The following DPYSL2 variants were observed in gnomAD, a reference collection of about 807,000 sequenced individuals.
DPYSL2 encodes dihydropyrimidinase like 2.
Under a neutral mutation model 69.9 loss-of-function variants are expected in DPYSL2, and 13 were observed. The observed-to-expected ratio is 0.19, with a 90% CI of 0.12 to 0.30. DPYSL2 has a LOEUF of 0.30. Among genes scored for constraint, DPYSL2 ranks in the 10% least tolerant of loss-of-function variants. The pLI is 1.00. For missense variants in DPYSL2, 587 were observed against 918.9 expected (o/e 0.64, Z 4.67); for synonymous variants, 326 against 359.1 (o/e 0.91, Z 1.04).
At chr8:26,632,663 AC>A (rs1479453213) in intron 7 of DPYSL2, among the ~76,000 whole-genome samples, 2 of 152,070 alleles carry the variant, frequency 1.3e-5, no homozygotes, top group Non-Finnish European at 2.9e-5. Context: ...ACATGGCGAA[AC>A]CCCGTGTTGG....
At chr8:26,583,310 A>G (rs1563396517) in intron 2 of DPYSL2, among the ~76,000 whole-genome samples, 1 of 148,286 alleles carries the variant, frequency 6.7e-6, no homozygotes. Context: ...ATTTTAAATC[A>G]TTGCAATCAT....
chr8:26,525,579 A>C (rs986184743), intron 1 of DPYSL2, among the ~76,000 whole-genome samples: 1 of 152,222 alleles, frequency 6.6e-6, no homozygotes, highest in African/African-American at 2.4e-5. Context: ...TTTAACTTGA[A>C]GTAACATGTA....
chr8:26,574,498 T>G (rs1801294873), intron 1 of DPYSL2, among the ~76,000 whole-genome samples: 1 of 152,180 alleles, frequency 6.6e-6, no homozygotes, highest in Non-Finnish European at 1.5e-5. Context: ...CATTGTCTAA[T>G]TTAGTTACTG....
rs143419907 is a variant in DPYSL2, at chr8:26,569,373, AAAAC to A, written c.355-12592_355-12589del. On this transcript the variant is annotated intron_variant, in intron 1 of 13. Coordinates refer to ENST00000521913, the MANE Select transcript of DPYSL2 (RefSeq NM_001197293.3). ...TATCTCCAAAAAAAAAACAAAAACA[AAAAC>A]AAAAAAAAACCAAAGAAAAACCCAA... Among the ~76,000 whole-genome samples, 151 of 78,166 alleles carry A rather than the reference AAAAC, an allele frequency of 1.9e-3. 3 individuals carry two copies. The highest frequency in any genetic ancestry group is 6.1e-3 in the African/African-American group (104 of 16,998). 51.3% of individuals were successfully genotyped at this position (78,166 alleles called of 152,430 possible). A position where few individuals can be genotyped will look rare whatever the true frequency, so the allele number is the denominator to read the frequency against.
At chr8:26,521,749 A>G (rs1808388871) in intron 1 of DPYSL2, among the ~76,000 whole-genome samples, 2 of 152,012 alleles carry the variant, frequency 1.3e-5, no homozygotes, top group Middle Eastern at 3.4e-3. Context: ...TATTCTGGAC[A>G]TTTCATAGAC....
At chr8:26,607,961 T>C (rs1480410297) in intron 3 of DPYSL2, among the ~76,000 whole-genome samples, 3 of 150,754 alleles carry the variant, frequency 2.0e-5, no homozygotes, top group Non-Finnish European at 4.4e-5. Flanking sequence ...CCTGTAGTCC[T>C]AGCTACTCAA....
At chr8:26,525,159 A>G (rs1378264051) in intron 1 of DPYSL2, among the ~76,000 whole-genome samples, 1 of 152,084 alleles carries the variant, frequency 6.6e-6, no homozygotes, top group Non-Finnish European at 1.5e-5. Flanking sequence ...TGACTTTAAG[A>G]TTATATAATT....
rs1411524738 is a variant in DPYSL2 at position 26,597,602 on chromosome 8, G to A, written c.628+13619G>A. The stretch of plus-strand genomic sequence containing the variant: ...CCATTCTCCTGCCTCAGCCTCCCAA[G>A]TAGCTGGGACTACAGGCGCCCGCCA... On this transcript the variant is annotated intron_variant, in intron 3 of 13. Coordinates refer to ENST00000521913, the MANE Select transcript of DPYSL2 (RefSeq NM_001197293.3). The surrounding 1 kb of genome is among the most constrained non-coding windows in gnomAD (Gnocchi z 5.2). Among the ~76,000 whole-genome samples, 3 of 152,044 alleles carry A rather than the reference G, an allele frequency of 2.0e-5. No homozygotes were observed. Among genetic ancestry groups the A allele is most frequent in the Non-Finnish European group, 2.9e-5 (2 of 68,022 alleles).
At chr8:26,558,488 T>C (rs1316663934) in intron 1 of DPYSL2, among the ~76,000 whole-genome samples, 1 of 152,168 alleles carries the variant, frequency 6.6e-6, no homozygotes, top group East Asian at 1.9e-4. Context: ...ACAGTGAAAC[T>C]CTTCTACAAG....
At chr8:26,537,621 C>CACACACACACACAT (rs1387754863) in intron 1 of DPYSL2, among the ~76,000 whole-genome samples, 10 of 151,846 alleles carry the variant, frequency 6.6e-5, no homozygotes, top group Non-Finnish European at 1.5e-4. Flanking sequence ...TACACACACA[C>CACACACACACACAT]ACACACACAC....
In DPYSL2 at chr8:26,658,158, C is replaced by A. The variant is rs1257867605; in HGVS notation, c.*2452C>A. 1 of 152,500 alleles carries A rather than the reference C, an allele frequency of 6.6e-6. No homozygotes were observed. The highest frequency in any genetic ancestry group is 1.5e-5 in the Non-Finnish European group (1 of 68,030). The allele number at this position is 152,500 out of a possible 1,614,324, so 9.4% of individuals were successfully genotyped here. On this transcript the variant is annotated 3_prime_UTR_variant, in exon 14 of 14. Transcript: ENST00000521913. This position sits in a 1 kb window ranked among gnomAD's most constrained non-coding sequence, Gnocchi z 4.7. Reference sequence around the variant, plus strand: ...TATTACCATGGAACGCCTAATAAAGCAAAATGTGGTTGTTTCAGGGGTGTG... The same window carrying A: ...TATTACCATGGAACGCCTAATAAAGAAAAATGTGGTTGTTTCAGGGGTGTG...
chr8:26,519,649 T>C (rs933505040), intron 1 of DPYSL2, among the ~76,000 whole-genome samples: 2 of 152,164 alleles, frequency 1.3e-5, no homozygotes, highest in African/African-American at 4.8e-5. Flanking sequence ...TCTTGCTATT[T>C]AGTAAGTATG....
At chr8:26,655,586 C>A in intron 13 of DPYSL2, 29 bp from the exon 14 acceptor site, 1 of 1,577,826 alleles carries the variant, frequency 6.3e-7, no homozygotes, top group East Asian at 2.3e-5. Context: ...TGGCCCCTCA[C>A]CCGCTCCTCT....
At position 26,655,885 on chromosome 8, in the gene DPYSL2, A is replaced by G; in HGVS notation, c.*179A>G. The G allele has an allele frequency of 2.0e-6, 1 of 492,916 alleles. No homozygotes were observed. The highest frequency in any genetic ancestry group is 3.5e-6 in the Non-Finnish European group (1 of 283,506). The allele number at this position is 492,916 out of a possible 1,614,324, so 30.5% of individuals were successfully genotyped here. A position where few individuals can be genotyped will look rare whatever the true frequency, so the allele number is the denominator to read the frequency against. ...GGGCCCCACACCCCGTCTCTCACCA[A>G]GAGTTACTGATTTTGCTCATCCACT... On this transcript the variant is annotated 3_prime_UTR_variant, in exon 14 of 14. Coordinates refer to ENST00000521913, the MANE Select transcript of DPYSL2 (RefSeq NM_001197293.3).
In DPYSL2 at chr8:26,517,629, C is replaced by A. The variant is rs1248618337; in HGVS notation, c.354+2950C>A. Reference sequence around the variant, plus strand: ...TCCTAGGAACTTCCTCCATTCCACTCCAGACACAGCGTAGCCAGAACCAGT... The same window carrying A: ...TCCTAGGAACTTCCTCCATTCCACTACAGACACAGCGTAGCCAGAACCAGT... On this transcript the variant is annotated intron_variant, in intron 1 of 13. Coordinates refer to ENST00000521913, the MANE Select transcript of DPYSL2 (RefSeq NM_001197293.3). The surrounding 1 kb of genome is among the most constrained non-coding windows in gnomAD (Gnocchi z 4.2). Among the ~76,000 whole-genome samples the A allele has an allele frequency of 6.6e-6, 1 of 152,194 alleles. No individual in the cohort carries two copies. The highest frequency in any genetic ancestry group is 6.5e-5 in the Admixed American group (1 of 15,282).
intron 3 of DPYSL2, among the ~76,000 whole-genome samples, chr8:26,590,276 G>A (rs2129768463): frequency 6.6e-6 from 1 of 152,312 alleles, no homozygotes; most frequent in Non-Finnish European, 1.5e-5. Flanking sequence ...GTTATCCAAT[G>A]GGCCATTGGT....
chr8:26,524,801 C>CAA lies in DPYSL2; in HGVS notation c.354+10156_354+10157dup, dbSNP rs753822230. On this transcript the variant is annotated intron_variant, in intron 1 of 13. Transcript: ENST00000521913. Reference sequence around the variant, plus strand: ...TGAAGGACAGAGAGAGACTCTGTCTCAAAAAAAAAAAAAAAAAAAAAAAAA... The same window carrying CAA: ...TGAAGGACAGAGAGAGACTCTGTCTCAAAAAAAAAAAAAAAAAAAAAAAAAAA... Among the ~76,000 whole-genome samples, 94 of 41,108 alleles carry CAA rather than the reference C, an allele frequency of 2.3e-3. 4 individuals carry two copies. The highest frequency in any genetic ancestry group is 5.7e-3 in the African/African-American group (57 of 10,012). The allele number at this position is 41,108 out of a possible 152,430, so 27.0% of individuals were successfully genotyped here. A position where few individuals can be genotyped will look rare whatever the true frequency, so the allele number is the denominator to read the frequency against.
intron 1 of DPYSL2, among the ~76,000 whole-genome samples, chr8:26,574,567 G>C (rs1563391993): frequency 6.6e-6 from 1 of 152,136 alleles, no homozygotes; most frequent in Non-Finnish European, 1.5e-5. Flanking sequence ...TTTGGGAAGG[G>C]GCTGTGATTG....
At chr8:26,557,920 C>G (rs1801015335) in intron 1 of DPYSL2, among the ~76,000 whole-genome samples, 1 of 151,828 alleles carries the variant, frequency 6.6e-6, no homozygotes, top group South Asian at 2.1e-4. Context: ...TGGAGAGTTC[C>G]TGTCGCTCTA....
Sources: gnomAD v4.1 joint callset for allele counts (sites outside exome capture counted in the v4.1 genomes callset) on GRCh38, gnomAD v4.1.1 for gene constraint, Gnocchi (gnomAD v3.1) non-coding constraint, MANE v1.5 for transcripts, NCBI Gene and HGNC (gene_info 2026-07-23, HGNC 2026-07-21) for gene names.